Variants in EPHA6 observed in about 807,000 individuals in gnomAD.
EPHA6 encodes the protein EPH receptor A6.
Under a neutral mutation model 112.0 loss-of-function variants are expected in EPHA6, and 50 were observed. That is an observed-to-expected ratio of 0.45 (90% confidence interval 0.36 to 0.56). The LOEUF (loss-of-function observed/expected upper bound fraction) is 0.56. Ranked by LOEUF, EPHA6 falls within the 20% of genes least tolerant of loss-of-function variation. The probability of loss-of-function intolerance (pLI) is 0.00; values close to 1 mark genes in which losing one functional copy is unlikely to be tolerated. For missense variants in EPHA6, 1,280 were observed against 1,417.4 expected (o/e 0.90, Z 1.56); for synonymous variants, 529 against 490.7 (o/e 1.08, Z -1.03).
At chr3:97,226,616 C>T (rs1213023985) in intron 4 of EPHA6, among the ~76,000 whole-genome samples, 197 bp downstream of exon 4, 1 of 152,188 alleles carries the variant, frequency 6.6e-6, no homozygotes, top group African/African-American at 2.4e-5. Flanking sequence ...GGGTTTACTC[C>T]TCAAAATTCA....
chr3:96,996,448 C>T (rs975247818), intron 3 of EPHA6, among the ~76,000 whole-genome samples: 1 of 152,160 alleles, frequency 6.6e-6, no homozygotes, highest in Admixed American at 6.6e-5. Flanking sequence ...ATCACTATGG[C>T]AGCTATAGCC....
intron 6 of EPHA6, among the ~76,000 whole-genome samples, chr3:97,444,943 A>G (rs1195149240): frequency 3.3e-5 from 5 of 152,106 alleles, no homozygotes; most frequent in African/African-American, 1.2e-4. Context: ...TGGAAGGAGC[A>G]GTGCCTAAAT....
intron 12 of EPHA6, among the ~76,000 whole-genome samples, chr3:97,600,834 A>G (rs2093637524): frequency 6.6e-6 from 1 of 151,942 alleles, no homozygotes; most frequent in Non-Finnish European, 1.5e-5. Flanking sequence ...GATGCATTTG[A>G]TATCAAGCTC....
At chr3:97,208,002 A>G (rs1054239084) in intron 3 of EPHA6, among the ~76,000 whole-genome samples, 1 of 152,178 alleles carries the variant, frequency 6.6e-6, no homozygotes, top group Non-Finnish European at 1.5e-5. Flanking sequence ...ACCGTATTCC[A>G]ATCAGACCCA....
At chr3:97,558,283 T>C (rs1202088103) in intron 11 of EPHA6, among the ~76,000 whole-genome samples, 4 of 151,954 alleles carry the variant, frequency 2.6e-5, no homozygotes, top group Non-Finnish European at 5.9e-5. Context: ...CACAGGCATC[T>C]AGCTGAAACA....
At chr3:96,937,803 T>A (rs1324877138) in intron 2 of EPHA6, among the ~76,000 whole-genome samples, 2 of 152,164 alleles carry the variant, frequency 1.3e-5, no homozygotes, top group Non-Finnish European at 2.9e-5. Context: ...AAGGAAGGGA[T>A]CCAGTTTCAG....
At chr3:97,008,475 C>T (rs529937221) in intron 3 of EPHA6, among the ~76,000 whole-genome samples, 30 of 152,204 alleles carry the variant, frequency 2.0e-4, no homozygotes, top group African/African-American at 6.7e-4. Flanking sequence ...TATGTTCAAG[C>T]TATATAAACT....
intron 4 of EPHA6, among the ~76,000 whole-genome samples, chr3:97,230,944 A>G (rs2078506927): frequency 6.6e-6 from 1 of 152,172 alleles, no homozygotes; most frequent in African/African-American, 2.4e-5. Context: ...TACACTTACA[A>G]ATGGAGATTT....
intron 11 of EPHA6, among the ~76,000 whole-genome samples, chr3:97,590,545 CTACTT>C (rs10586197): frequency 0.011 from 1,737 of 152,244 alleles, 37 homozygotes; most frequent in African/African-American, 0.039. Flanking sequence ...TCTAGAGTCA[CTACTT>C]TACATATTTT....
At chr3:97,022,010 A>G (rs946628990) in intron 3 of EPHA6, among the ~76,000 whole-genome samples, 1 of 152,166 alleles carries the variant, frequency 6.6e-6, no homozygotes, top group Admixed American at 6.5e-5. Flanking sequence ...ACTCATCACT[A>G]AAATTACTAT....
At chr3:97,292,826 C>A (rs1188754737) in intron 5 of EPHA6, among the ~76,000 whole-genome samples, 1 of 150,532 alleles carries the variant, frequency 6.6e-6, no homozygotes, top group Non-Finnish European at 1.5e-5. Context: ...GAGCGTCCTG[C>A]TCTCAGCAGA....
At position 97,226,426 on chromosome 3, in the gene EPHA6, C is replaced by T. The variant is rs1482939286; in HGVS notation, c.1270+7C>T. 2 of 1,591,538 alleles carry T rather than the reference C, an allele frequency of 1.3e-6. No individual in the cohort carries two copies. Among genetic ancestry groups the T allele is most frequent in the South Asian group, 1.2e-5 (1 of 86,456 alleles). ...CCTTCTATGGCATGTACCAGTAAGTCTATACATTTTGGATTTGGAAATTCT... is the reference window on the plus strand; with the variant it reads ...CCTTCTATGGCATGTACCAGTAAGTTTATACATTTTGGATTTGGAAATTCT... On this transcript the variant is annotated splice_region_variant and intron_variant, in intron 4 of 17. Transcript: ENST00000389672.
chr3:97,239,593 A>G (rs2078783073), intron 4 of EPHA6, among the ~76,000 whole-genome samples: 3 of 151,944 alleles, frequency 2.0e-5, no homozygotes, highest in Non-Finnish European at 4.4e-5. Context: ...TCGTAAAGGA[A>G]GATAAAATGT....
chr3:97,699,787 T>C (rs952971380), intron 14 of EPHA6, among the ~76,000 whole-genome samples: 8 of 152,200 alleles, frequency 5.3e-5, no homozygotes, highest in Non-Finnish European at 1.2e-4. Context: ...AACCACTACT[T>C]CCCTTATGCC....
intron 3 of EPHA6, among the ~76,000 whole-genome samples, chr3:97,039,515 G>A (rs2045237956): frequency 6.6e-6 from 1 of 151,864 alleles, no homozygotes; most frequent in South Asian, 2.1e-4. Flanking sequence ...AAGAGATATA[G>A]TTAGTTGGAA....
At chr3:97,182,211 T>C (rs1170199908) in intron 3 of EPHA6, among the ~76,000 whole-genome samples, 1 of 151,856 alleles carries the variant, frequency 6.6e-6, no homozygotes, top group African/African-American at 2.4e-5. Flanking sequence ...TGATATTAAC[T>C]ATCATTTCTA....
chr3:97,546,885 G>A (rs1449380548), intron 11 of EPHA6, among the ~76,000 whole-genome samples: 2 of 152,066 alleles, frequency 1.3e-5, no homozygotes, highest in African/African-American at 2.4e-5. Context: ...CATTCGTCAC[G>A]TAGCTCTCAT....
intron 11 of EPHA6, among the ~76,000 whole-genome samples, chr3:97,540,215 ATAAATTATTCT>A (rs1399438802): frequency 1.3e-5 from 2 of 152,206 alleles, no homozygotes; most frequent in Non-Finnish European, 2.9e-5. Flanking sequence ...GTTCAAGAAA[ATAAATTATTCT>A]TGTGCAATTT....
At chr3:97,494,042 A>T (rs897062423) in intron 10 of EPHA6, among the ~76,000 whole-genome samples, 4 of 152,220 alleles carry the variant, frequency 2.6e-5, no homozygotes, top group Admixed American at 2.6e-4. Context: ...TCAATGTGCA[A>T]TTGAAGCCTA....
Sources: allele counts gnomAD v4.1 joint callset (sites outside exome capture counted in the v4.1 genomes callset), GRCh38; gene constraint gnomAD v4.1.1; transcripts MANE v1.5; gene names NCBI Gene and HGNC (gene_info 2026-07-23, HGNC 2026-07-21).